FTO: variants seen among roughly 807,000 people sequenced by gnomAD.
FTO encodes the protein FTO alpha-ketoglutarate dependent dioxygenase.
In FTO, 47 loss-of-function variants were observed where a neutral mutation model predicts 63.9. The observed-to-expected ratio is 0.74, with a 90% CI of 0.58 to 0.94. FTO has a LOEUF of 0.94. Ranked by LOEUF, FTO falls within the 40% of genes least tolerant of loss-of-function variation. The probability of loss-of-function intolerance (pLI) is 0.00; values close to 1 mark genes in which losing one functional copy is unlikely to be tolerated. For synonymous variants in FTO, 207 were observed against 224.4 expected (o/e 0.92, Z 0.69); for missense variants, 562 against 618.1 (o/e 0.91, Z 0.96).
intron 1 of FTO, among the ~76,000 whole-genome samples, chr16:53,744,453 G>T (rs968257173): frequency 6.6e-6 from 1 of 152,182 alleles, no homozygotes; most frequent in African/African-American, 2.4e-5. Flanking sequence ...TGACTCCCCA[G>T]TTGTGGTGGT....
chr16:53,902,198 T>C (rs76667184), intron 7 of FTO, among the ~76,000 whole-genome samples: 1,826 of 152,298 alleles, frequency 0.012, 36 homozygotes, highest in African/African-American at 0.042. Flanking sequence ...CTTCTTTATA[T>C]ATTAGGTATT....
chr16:53,754,363 C>T (rs988934161), intron 1 of FTO, among the ~76,000 whole-genome samples: 2 of 152,206 alleles, frequency 1.3e-5, no homozygotes, highest in African/African-American at 2.4e-5. Flanking sequence ...CCAGGCTGGG[C>T]GCGGTGGCTC....
chr16:53,736,286 T>C (rs142358207), intron 1 of FTO, among the ~76,000 whole-genome samples: 12 of 152,202 alleles, frequency 7.9e-5, no homozygotes, highest in African/African-American at 2.9e-4. Flanking sequence ...GTCAAACTCC[T>C]ATCTTAGTGT....
chr16:53,930,191 T>A (rs1033985228), intron 7 of FTO, among the ~76,000 whole-genome samples: 8 of 151,876 alleles, frequency 5.3e-5, no homozygotes, highest in Non-Finnish European at 1.2e-4. Context: ...AATATATAGT[T>A]TTGTTTATAT....
At chr16:53,853,692 A>T (rs1436857566) in intron 4 of FTO, among the ~76,000 whole-genome samples, 1 of 152,168 alleles carries the variant, frequency 6.6e-6, no homozygotes, top group Non-Finnish European at 1.5e-5. Flanking sequence ...CATGGTATAT[A>T]TACATGCCAC....
intron 8 of FTO, among the ~76,000 whole-genome samples, chr16:53,974,828 A>G (rs187034481): frequency 2.0e-5 from 3 of 152,134 alleles, no homozygotes; most frequent in African/African-American, 7.2e-5. Flanking sequence ...TTCTGTATCA[A>G]TCCTTTCTGA....
At chr16:53,717,634 T>C (rs78974229) in intron 1 of FTO, among the ~76,000 whole-genome samples, 9,352 of 152,146 alleles carry the variant, frequency 0.061, 395 homozygotes, top group East Asian at 0.25. Context: ...ACATTTTCCC[T>C]GTCAGTATTA....
chr16:53,880,481 T>G (rs999345819), intron 6 of FTO, among the ~76,000 whole-genome samples: 7 of 152,208 alleles, frequency 4.6e-5, no homozygotes, highest in Non-Finnish European at 1.0e-4. Context: ...CACGAACTTA[T>G]TCTGTTCAGG....
At chr16:53,749,582 G>A (rs1335791252) in intron 1 of FTO, among the ~76,000 whole-genome samples, 1 of 151,960 alleles carries the variant, frequency 6.6e-6, no homozygotes, top group Non-Finnish European at 1.5e-5. Flanking sequence ...GGGACTACAG[G>A]CGCCCGCCAT....
At chr16:53,779,324 T>C (rs865886981) in intron 1 of FTO, among the ~76,000 whole-genome samples, 1 of 152,060 alleles carries the variant, frequency 6.6e-6, no homozygotes, top group African/African-American at 2.4e-5. Flanking sequence ...GTCTTTTCTA[T>C]TAAAAAAAAA....
intron 2 of FTO, among the ~76,000 whole-genome samples, chr16:53,824,954 T>C (rs2078966162): frequency 6.6e-6 from 1 of 152,220 alleles, no homozygotes; most frequent in Non-Finnish European, 1.5e-5. Flanking sequence ...AGCCCTAACC[T>C]ACATTAATCA....
At position 53,825,982 on chromosome 16, in the gene FTO, A is replaced by G. The variant is rs764576608; in HGVS notation, c.242A>G (p.Asp81Gly). 2 of 1,614,098 alleles carry G rather than the reference A, an allele frequency of 1.2e-6. No homozygotes were observed. Among genetic ancestry groups the G allele is most frequent in the Admixed American group, 3.3e-5 (2 of 60,002 alleles). The change falls in exon 3 of 9, where the codon GAC becomes GGC. Residue 81 changes from aspartate (D) to glycine (G), a missense_variant. Physicochemically the swap from Asp to Gly is moderately conservative, Grantham distance 94 (BLOSUM62 -1). Coordinates refer to ENST00000471389, the MANE Select transcript of FTO (RefSeq NM_001080432.3). Reference protein sequence around the residue: ...TLHKHGCLFRDLVRIQGKDLL... With the variant: ...TLHKHGCLFRGLVRIQGKDLL... ...CACAAGCATGGCTGCTTATTTCGGG[A>G]CCTGGTTAGGATCCAAGGCAAAGAT...
At chr16:53,808,523 A>C (rs538705686) in intron 1 of FTO, among the ~76,000 whole-genome samples, 29 of 151,914 alleles carry the variant, frequency 1.9e-4, no homozygotes, top group Middle Eastern at 3.2e-3. Context: ...CTCTTTCCTC[A>C]CTTTTAGGTA....
chr16:53,881,041 G>C (rs924981844), intron 6 of FTO, among the ~76,000 whole-genome samples: 1 of 150,972 alleles, frequency 6.6e-6, no homozygotes, highest in African/African-American at 2.4e-5. Flanking sequence ...AGAATGGCAT[G>C]AACCTGCGAG....
intron 4 of FTO, among the ~76,000 whole-genome samples, chr16:53,848,573 C>G (rs1419922484): frequency 1.3e-5 from 2 of 152,110 alleles, no homozygotes; most frequent in African/African-American, 2.4e-5. Flanking sequence ...ATTTTCCAAC[C>G]AGGACTTCAA....
chr16:54,081,108 G>A (rs1480111634), intron 8 of FTO, among the ~76,000 whole-genome samples: 8 of 152,034 alleles, frequency 5.3e-5, no homozygotes, highest in African/African-American at 1.7e-4. Flanking sequence ...ACCTGGAATC[G>A]CATCAATATT....
chr16:53,858,082 A>C (rs534816891), intron 4 of FTO, among the ~76,000 whole-genome samples: 1 of 152,294 alleles, frequency 6.6e-6, no homozygotes, highest in East Asian at 1.9e-4. Context: ...ATAAAAAAAA[A>C]CTAGAAGGAA....
At chr16:53,794,537 C>T (rs1346024457) in intron 1 of FTO, among the ~76,000 whole-genome samples, 1 of 152,158 alleles carries the variant, frequency 6.6e-6, no homozygotes, top group Non-Finnish European at 1.5e-5. Context: ...ACTAAGCTCA[C>T]TGCTTAAAGC....
Position 53,826,026 on chromosome 16 carries a change from C to G in FTO, c.286C>G (p.Arg96Gly). ...CAAAGATCTGCTCACTCCGGTATCT[C>G]GCATCCTCATTGGTAATCCAGGCTG... ...QGKDLLTPVSRILIGNPGCTY... is the reference protein window; with the variant it reads ...QGKDLLTPVSGILIGNPGCTY... Residue 96 changes from arginine to glycine, a missense_variant, in exon 3 of 9, where the codon CGC (arginine) becomes GGC (glycine). Arg to Gly is a moderately radical substitution (Grantham distance 125). Transcript: ENST00000471389. 1 of 1,614,150 alleles carries G rather than the reference C, an allele frequency of 6.2e-7. No homozygotes were observed. The highest frequency in any genetic ancestry group is 8.5e-7 in the Non-Finnish European group (1 of 1,180,024).
Sources: allele counts gnomAD v4.1 joint callset (sites outside exome capture counted in the v4.1 genomes callset), GRCh38; gene constraint gnomAD v4.1.1; transcripts MANE v1.5; gene names NCBI Gene and HGNC (gene_info 2026-07-23, HGNC 2026-07-21).